PDCD11: variants seen among roughly 807,000 people sequenced by gnomAD.
The protein encoded by PDCD11 is protein RRP5 homolog.
PDCD11 carries 97 observed loss-of-function variants against 198.9 expected under a neutral mutation model. The ratio of observed to expected loss-of-function variants is 0.49; its 90% CI spans 0.41 to 0.58. The LOEUF (loss-of-function observed/expected upper bound fraction) is 0.58. Ranked by LOEUF, PDCD11 falls within the 20% of genes least tolerant of loss-of-function variation. PDCD11 has a pLI of 0.00. For synonymous variants in PDCD11, 893 were observed against 918.0 expected (o/e 0.97, Z 0.49); for missense variants, 2,102 against 2,312.7 (o/e 0.91, Z 1.87).
chr10:103,398,379 GACAACATGTCACCATT>G (rs2093448348), intron 1 of PDCD11, 21 bp from the exon 2 acceptor site: 1 of 1,285,632 alleles, frequency 7.8e-7, no homozygotes, highest in East Asian at 2.3e-5. Flanking sequence ...CTGCTACCAA[GACAACATGTCACCATT>G]ATCCTTTGCA....
At chr10:103,405,209 G>T in intron 5 of PDCD11, 26 bp downstream of exon 5, 1 of 1,610,310 alleles carries the variant, frequency 6.2e-7, no homozygotes, top group South Asian at 1.1e-5. Context: ...CGGGGAGGAA[G>T]AGTGGCAATG....
At chr10:103,444,267 G>A (rs978996073) in intron 34 of PDCD11, 199 bp downstream of exon 34, 13 of 631,186 alleles carry the variant, frequency 2.1e-5, no homozygotes, top group Non-Finnish European at 3.0e-5. Flanking sequence ...GGAACAAAAC[G>A]CAGTTAGTAC....
At chr10:103,435,680 T>G (rs2032123500) in intron 25 of PDCD11, among the ~76,000 whole-genome samples, 1 of 152,170 alleles carries the variant, frequency 6.6e-6, no homozygotes, top group African/African-American at 2.4e-5. Context: ...GCCTGGCTAA[T>G]TTTTGTACTT....
At chr10:103,421,808 CAA>C in intron 17 of PDCD11, among the ~76,000 whole-genome samples, 1 of 146,742 alleles carries the variant, frequency 6.8e-6, no homozygotes, top group Non-Finnish European at 1.5e-5. Context: ...ACTAAAAATA[CAA>C]AAAAAAATTA....
rs1281067782 is a variant in PDCD11 at position 103,445,450 on chromosome 10, G to A, written c.5517G>A (p.Leu1839=). ...KRMKFFFKRY[L]DYEKQHGTEK... ...TGAAGTTCTTCTTCAAGCGCTACCTGGACTACGAGAAGCAGCATGGCACTG... is the reference window on the plus strand; with the variant it reads ...TGAAGTTCTTCTTCAAGCGCTACCTAGACTACGAGAAGCAGCATGGCACTG... The change falls in exon 36 of 36, where the codon CTG becomes CTA. Residue 1839 remains leucine (L), a synonymous_variant. Coordinates refer to ENST00000369797, the MANE Select transcript of PDCD11 (RefSeq NM_014976.2). The A allele has an allele frequency of 6.2e-7, 1 of 1,614,202 alleles. No homozygotes were observed. Among genetic ancestry groups the A allele is most frequent in the Non-Finnish European group, 8.5e-7 (1 of 1,180,032 alleles).
At chr10:103,419,747 T>C (rs1322914063) in intron 16 of PDCD11, 39 bp downstream of exon 16, 4 of 1,592,904 alleles carry the variant, frequency 2.5e-6, no homozygotes, top group Non-Finnish European at 3.4e-6. Flanking sequence ...TGAGGAGAGA[T>C]ACAAGGTCAC....
intron 15 of PDCD11, among the ~76,000 whole-genome samples, chr10:103,418,983 C>G (rs1201739188): frequency 7.6e-6 from 1 of 131,536 alleles, no homozygotes; most frequent in Non-Finnish European, 1.6e-5. Flanking sequence ...TCCCCCTTTC[C>G]TCTTTTTTTT....
chr10:103,428,204 C>T (rs1238490330), intron 21 of PDCD11, among the ~76,000 whole-genome samples: 1 of 151,772 alleles, frequency 6.6e-6, no homozygotes, highest in Admixed American at 6.6e-5. Context: ...ACTTGGAAGG[C>T]TGAGGCAGGA....
At chr10:103,413,658 G>T (rs192263286) in intron 9 of PDCD11, among the ~76,000 whole-genome samples, 40 of 152,284 alleles carry the variant, frequency 2.6e-4, no homozygotes, top group African/African-American at 8.9e-4. Context: ...CAACGCTGCT[G>T]TTATGGCATG....
chr10:103,402,346 C>T (rs1026096127), intron 3 of PDCD11, among the ~76,000 whole-genome samples: 1 of 152,202 alleles, frequency 6.6e-6, no homozygotes, highest in Non-Finnish European at 1.5e-5. Context: ...TTTTACAGTG[C>T]TCGGTCAGAT....
intron 20 of PDCD11, among the ~76,000 whole-genome samples, chr10:103,426,944 T>C (rs373086730): frequency 6.9e-6 from 1 of 145,214 alleles, no homozygotes; most frequent in Non-Finnish European, 1.5e-5. Flanking sequence ...AAAAAATAAA[T>C]AAATAAAAAT....
chr10:103,411,419 A>G (rs796996695), intron 8 of PDCD11, among the ~76,000 whole-genome samples: 7 of 152,324 alleles, frequency 4.6e-5, no homozygotes, highest in African/African-American at 1.7e-4. Flanking sequence ...AGAGTGGAGT[A>G]CAATGGCACA....
At chr10:103,407,843 C>T (rs956441269) in intron 7 of PDCD11, among the ~76,000 whole-genome samples, 3 of 151,878 alleles carry the variant, frequency 2.0e-5, no homozygotes, top group South Asian at 2.1e-4. Context: ...CTCAGCCTCC[C>T]GAGTAGCTGG....
chr10:103,433,980 G>T lies in PDCD11; in HGVS notation c.3507G>T (p.Glu1169Asp). The T allele has an allele frequency of 1.9e-6, 3 of 1,614,026 alleles. No individual in the cohort carries two copies. Among genetic ancestry groups the T allele is most frequent in the Non-Finnish European group, 2.5e-6 (3 of 1,179,874 alleles). Residue 1169 changes from glutamate (E) to aspartate (D), a missense_variant, in exon 23 of 36, where the codon GAG becomes GAT. By Grantham distance (45) the Glu-to-Asp change is conservative. Transcript: ENST00000369797. ...TGGTGAAGAAATGGCTTGAGGTGGA[G>T]ATTGCCCCAGACATCCGGGGGAGAA... ...YNVVKKWLEV[E>D]IAPDIRGRIP... is the part of the protein sequence containing the mutation.
chr10:103,437,208 C>A (rs1330328037), intron 25 of PDCD11, among the ~76,000 whole-genome samples: 2 of 152,202 alleles, frequency 1.3e-5, no homozygotes, highest in African/African-American at 4.8e-5. Context: ...GTGGTGTGAT[C>A]GTAGCTCACT....
chr10:103,400,713 A>G (rs903641518), intron 3 of PDCD11, among the ~76,000 whole-genome samples, 185 bp downstream of exon 3: 10 of 151,828 alleles, frequency 6.6e-5, no homozygotes, highest in Admixed American at 6.6e-5. Flanking sequence ...ATTTCCTTCC[A>G]TTGCTAACCG....
chr10:103,411,075 TA>T (rs775346957), intron 8 of PDCD11, among the ~76,000 whole-genome samples: 1,371 of 135,234 alleles, frequency 0.01, 5 homozygotes, highest in Middle Eastern at 0.012. Flanking sequence ...ACTCTGTCTT[TA>T]AAAAAAAAAA....
Position 103,419,597 on chromosome 10 carries a change from C to T in PDCD11, c.2166C>T (p.Asn722=). Residue 722 remains asparagine (N), a synonymous_variant, in exon 16 of 36, where the codon AAC becomes AAT. Transcript: ENST00000369797. The part of the protein sequence containing the change: ...STVEGGQDPK[N]FSEIHPGMLL... Reference sequence around the variant, plus strand: ...TAGAAGGTGGCCAGGATCCCAAGAACTTCTCAGAAATCCATCCTGGAATGC... The same window carrying T: ...TAGAAGGTGGCCAGGATCCCAAGAATTTCTCAGAAATCCATCCTGGAATGC... The T allele has an allele frequency of 6.2e-7, 1 of 1,614,126 alleles. No homozygotes were observed. The highest frequency in any genetic ancestry group is 8.5e-7 in the Non-Finnish European group (1 of 1,180,012).
At chr10:103,417,718 T>A in intron 13 of PDCD11, 74 bp from the exon 14 acceptor site, 1 of 1,495,260 alleles carries the variant, frequency 6.7e-7, no homozygotes, top group Non-Finnish European at 9.1e-7. Context: ...TCTGCAGCAG[T>A]AGTGGAGGGC....
Sources: allele counts gnomAD v4.1 joint callset (sites outside exome capture counted in the v4.1 genomes callset), GRCh38; gene constraint gnomAD v4.1.1; transcripts MANE v1.5; gene names NCBI Gene and HGNC (gene_info 2026-07-23, HGNC 2026-07-21).